CELF5: variants seen among roughly 807,000 people sequenced by gnomAD.
CELF5 encodes the protein CUG-BP and ETR-3 like factor 5.
In CELF5, 6 loss-of-function variants were observed where a neutral mutation model predicts 54.9. The observed-to-expected ratio is 0.11, with a 90% CI of 0.06 to 0.22. The LOEUF (loss-of-function observed/expected upper bound fraction) is 0.22. Ranked by LOEUF, CELF5 falls within the 10% of genes least tolerant of loss-of-function variation. The probability of loss-of-function intolerance (pLI) is 1.00; values close to 1 mark genes in which losing one functional copy is unlikely to be tolerated. For missense variants in CELF5, 401 were observed against 678.6 expected, an observed-to-expected ratio of 0.59 and a Z score of 4.54; for synonymous variants, 271 against 290.9, an observed-to-expected ratio of 0.93 and a Z score of 0.70.
intron 5 of CELF5, among the ~76,000 whole-genome samples, chr19:3,280,491 C>T (rs2080131097): frequency 6.6e-6 from 1 of 152,150 alleles, no homozygotes; most frequent in South Asian, 2.1e-4. Context: ...AGGAGAATCA[C>T]TTGAACCTGG....
rs777653251 is a variant in CELF5, at chr19:3,278,319, G to A, written c.603+209G>A. Among the ~76,000 whole-genome samples the A allele has an allele frequency of 6.6e-6, 1 of 152,110 alleles. No individual in the cohort carries two copies. Among genetic ancestry groups the A allele is most frequent in the Non-Finnish European group, 1.5e-5 (1 of 68,000 alleles). Reference sequence around the variant, plus strand: ...TGTGAGTGTGTGCAGATGTGGAGGTGAGTAGGCAAGCGAAGTGTATGTGTG... The same window carrying A: ...TGTGAGTGTGTGCAGATGTGGAGGTAAGTAGGCAAGCGAAGTGTATGTGTG... On this transcript the variant is annotated intron_variant, in intron 5 of 12. Transcript: ENST00000292672. The surrounding 1 kb of genome is among the most constrained non-coding windows in gnomAD (Gnocchi z 4.5).
chr19:3,230,969 G>A (rs890093974), intron 1 of CELF5, among the ~76,000 whole-genome samples: 2 of 152,210 alleles, frequency 1.3e-5, no homozygotes, highest in African/African-American at 2.4e-5. Context: ...TGGGCTTCAC[G>A]CCTCCCAGCC....
Position 3,297,016 on chromosome 19 carries a change from G to GGA in CELF5, c.*299_*300insGA, listed in dbSNP as rs1555729865. On this transcript the variant is annotated 3_prime_UTR_variant, in exon 13 of 13. Transcript: ENST00000292672. Reference sequence around the variant, plus strand: ...TCAAAACGCCTCTCTTTGGTCTGGAGAAAAAAAAAAAAAAAAAAAAACAAC... The same window carrying GGA: ...TCAAAACGCCTCTCTTTGGTCTGGAGGAAAAAAAAAAAAAAAAAAAAAACAAC... 2 of 100,890 alleles carry GGA rather than the reference G, an allele frequency of 2.0e-5. No homozygotes were observed. Among genetic ancestry groups the GGA allele is most frequent in the Non-Finnish European group, 3.8e-5 (2 of 52,772 alleles). The allele number at this position is 100,890 out of a possible 1,614,324, so 6.2% of individuals were successfully genotyped here.
intron 2 of CELF5, among the ~76,000 whole-genome samples, chr19:3,257,128 G>T (rs140151087): frequency 0.011 from 1,613 of 152,210 alleles, 13 homozygotes; most frequent in Non-Finnish European, 0.016. Context: ...GTTCCATTTA[G>T]ACAGGGTGGT....
rs190675185 is a variant in CELF5, at chr19:3,241,699, C to T, written c.260-9286C>T. ...CTAGGATGCAACCAACCAGAGCTCT[C>T]ACAGTTGAAATGGGATCCACAGGGC... On this transcript the variant is annotated intron_variant, in intron 1 of 12. Coordinates refer to ENST00000292672, the MANE Select transcript of CELF5 (RefSeq NM_021938.4). 4.9e-3 allele frequency among the ~76,000 whole-genome samples: 750 copies of T among 152,210 alleles called. 6 individuals carry two copies. The highest frequency in any genetic ancestry group is 0.017 in the African/African-American group (698 of 41,516).
intron 11 of CELF5, among the ~76,000 whole-genome samples, chr19:3,292,103 C>A (rs761275812): frequency 2.0e-5 from 3 of 151,908 alleles, no homozygotes; most frequent in Non-Finnish European, 4.4e-5. Context: ...CCCGCCATCA[C>A]GTCTGGCTAA....
chr19:3,248,917 T>C (rs1323806063), intron 1 of CELF5, among the ~76,000 whole-genome samples: 1,372 of 129,370 alleles, frequency 0.011, 25 homozygotes, highest in African/African-American at 0.039. Flanking sequence ...TTTCTTTCTT[T>C]CTTTCTTTCT....
At chr19:3,241,897 C>T (rs150971920) in intron 1 of CELF5, among the ~76,000 whole-genome samples, 2 of 152,146 alleles carry the variant, frequency 1.3e-5, no homozygotes, top group Non-Finnish European at 2.9e-5. Context: ...GCCTCAACCT[C>T]CCGTGTAGCT....
intron 4 of CELF5, among the ~76,000 whole-genome samples, chr19:3,277,205 G>A (rs781171826): frequency 3.3e-5 from 5 of 152,328 alleles, no homozygotes; most frequent in Non-Finnish European, 5.9e-5. Flanking sequence ...GCTGGGCGTG[G>A]TGGCTCACGC....
At chr19:3,272,256 C>A (rs190552220) in intron 2 of CELF5, among the ~76,000 whole-genome samples, 1 of 152,078 alleles carries the variant, frequency 6.6e-6, no homozygotes, top group East Asian at 1.9e-4. Flanking sequence ...GTAGTCCCAG[C>A]TGCTTGGGAG....
intron 10 of CELF5, among the ~76,000 whole-genome samples, chr19:3,288,624 G>A (rs947313719): frequency 6.6e-6 from 1 of 152,122 alleles, no homozygotes; most frequent in East Asian, 1.9e-4. Flanking sequence ...AAGGCAGAAG[G>A]ATCGCTTGAG....
At chr19:3,284,858 C>T (rs770792321) in intron 8 of CELF5, 44 bp from the exon 9 acceptor site, 24 of 1,579,478 alleles carry the variant, frequency 1.5e-5, no homozygotes, top group Non-Finnish European at 1.9e-5. Flanking sequence ...GGATGGAAGA[C>T]TTCTGCTGCT....
chr19:3,292,765 A>T (rs1485172431), intron 11 of CELF5, among the ~76,000 whole-genome samples: 1 of 152,096 alleles, frequency 6.6e-6, no homozygotes, highest in East Asian at 1.9e-4. Flanking sequence ...GCATGGTGGT[A>T]TGGGCCTGTG....
chr19:3,284,668 T>G, intron 8 of CELF5: 1 of 572,950 alleles, frequency 1.7e-6, no homozygotes, highest in South Asian at 2.0e-5. Flanking sequence ...GTGATCTCTC[T>G]CTGGAGTCCG....
chr19:3,247,522 A>G (rs915356702), intron 1 of CELF5, among the ~76,000 whole-genome samples: 37 of 151,246 alleles, frequency 2.4e-4, no homozygotes, highest in African/African-American at 8.5e-4. Flanking sequence ...TCAGCCTCCC[A>G]AAGTGCTGGG....
chr19:3,278,168 A>G lies in CELF5; in HGVS notation c.603+58A>G. 9.0e-7 allele frequency: 1 copy of G among 1,115,970 alleles called. No homozygotes were observed. Among genetic ancestry groups the G allele is most frequent in the Non-Finnish European group, 1.3e-6 (1 of 758,382 alleles). 69.1% of individuals were successfully genotyped at this position (1,115,970 alleles called of 1,614,324 possible). On this transcript the variant is annotated intron_variant, in intron 5 of 12. Coordinates refer to ENST00000292672, the MANE Select transcript of CELF5 (RefSeq NM_021938.4). This position sits in a 1 kb window ranked among gnomAD's most constrained non-coding sequence, Gnocchi z 4.5. The stretch of plus-strand genomic sequence containing the variant: ...GGGGTGGGAAAGGGGTGAGGGGGAC[A>G]GGGATGAAACAGGCCATATTCCTAC...
chr19:3,290,755 A>T, intron 11 of CELF5, among the ~76,000 whole-genome samples: 1 of 144,604 alleles, frequency 6.9e-6, no homozygotes, highest in African/African-American at 2.6e-5. Context: ...TTAAGTAGAG[A>T]CGGGGTTTCA....
At chr19:3,240,165 C>T (rs561480757) in intron 1 of CELF5, among the ~76,000 whole-genome samples, 3 of 152,084 alleles carry the variant, frequency 2.0e-5, no homozygotes, top group East Asian at 3.9e-4. Flanking sequence ...TATAGGTGCA[C>T]GCCACCACAC....
At chr19:3,230,426 C>T (rs1273489383) in intron 1 of CELF5, among the ~76,000 whole-genome samples, 2 of 152,208 alleles carry the variant, frequency 1.3e-5, no homozygotes, top group African/African-American at 2.4e-5. Context: ...AAGATAGGTA[C>T]ATGTCTTGAC....
Sources: gnomAD v4.1 joint callset for allele counts (sites outside exome capture counted in the v4.1 genomes callset) on GRCh38, gnomAD v4.1.1 for gene constraint, Gnocchi (gnomAD v3.1) non-coding constraint, MANE v1.5 for transcripts, NCBI Gene and HGNC (gene_info 2026-07-23, HGNC 2026-07-21) for gene names.